SETD5: variants seen among roughly 807,000 people sequenced by gnomAD.
SETD5 encodes SET domain containing 5.
A neutral mutation model predicts 153.3 loss-of-function variants in SETD5; 44 were observed. The ratio of observed to expected loss-of-function variants is 0.29; its 90% CI spans 0.23 to 0.37. SETD5 has a LOEUF of 0.37. Ranked by LOEUF, SETD5 falls within the 10% of genes least tolerant of loss-of-function variation. The pLI is 1.00. For synonymous variants in SETD5, 716 were observed against 645.2 expected (o/e 1.11, Z -1.66); for missense variants, 1,544 against 1,768.0 (o/e 0.87, Z 2.27).
At chr3:9,409,238 A>G (rs757391843) in intron 1 of SETD5, among the ~76,000 whole-genome samples, 8 of 152,260 alleles carry the variant, frequency 5.3e-5, no homozygotes, top group Admixed American at 1.3e-4. Context: ...TTACTTCTTC[A>G]TTTATTGTCC....
intron 1 of SETD5, among the ~76,000 whole-genome samples, chr3:9,412,126 C>T (rs545059293): frequency 6.6e-6 from 1 of 152,014 alleles, no homozygotes; most frequent in East Asian, 1.9e-4. Context: ...ATACATTTGT[C>T]TTTACATGCC....
chr3:9,420,238 GATA>G (rs59123966), intron 1 of SETD5, among the ~76,000 whole-genome samples: 45 of 151,986 alleles, frequency 3.0e-4, no homozygotes, highest in South Asian at 1.5e-3. Context: ...ACAATATTTA[GATA>G]ATAATAATAA....
At chr3:9,405,134 C>T (rs370715324) in intron 1 of SETD5, among the ~76,000 whole-genome samples, 2 of 152,242 alleles carry the variant, frequency 1.3e-5, no homozygotes, top group African/African-American at 4.8e-5. Context: ...ACTTCTGTAT[C>T]TTCTACTTTC....
intron 16 of SETD5, among the ~76,000 whole-genome samples, chr3:9,448,932 G>C (rs2042318114): frequency 6.6e-6 from 1 of 152,196 alleles, no homozygotes; most frequent in Non-Finnish European, 1.5e-5. Context: ...ACTGGGTAGA[G>C]ACGGATATGT....
intron 11 of SETD5, 86 bp downstream of exon 11, chr3:9,443,503 C>T (rs2041554500): frequency 4.2e-6 from 3 of 707,694 alleles, no homozygotes; most frequent in Non-Finnish European, 6.1e-6. Flanking sequence ...GCTCTTGTTT[C>T]TTGCCTTTTC....
intron 17 of SETD5, among the ~76,000 whole-genome samples, chr3:9,464,034 A>G (rs2044279574): frequency 6.6e-6 from 1 of 152,228 alleles, no homozygotes; most frequent in Non-Finnish European, 1.5e-5. Flanking sequence ...AGGCTGAGGC[A>G]GGTGAATCAC....
intron 7 of SETD5, among the ~76,000 whole-genome samples, chr3:9,437,249 C>T (rs2040680189): frequency 1.3e-5 from 2 of 152,002 alleles, no homozygotes; most frequent in Non-Finnish European, 2.9e-5. Context: ...GTGCATCTAC[C>T]CTAGCACTGT....
intron 1 of SETD5, among the ~76,000 whole-genome samples, chr3:9,414,011 C>G (rs1005450673): frequency 6.6e-6 from 1 of 152,084 alleles, no homozygotes; most frequent in Non-Finnish European, 1.5e-5. Flanking sequence ...CTCTTGACCT[C>G]GTGATCTGCC....
chr3:9,404,146 C>T (rs1413192199), intron 1 of SETD5, among the ~76,000 whole-genome samples: 1 of 152,070 alleles, frequency 6.6e-6, no homozygotes, highest in African/African-American at 2.4e-5. Context: ...ACTAAACTAG[C>T]CTTAAAGTTT....
intron 1 of SETD5, among the ~76,000 whole-genome samples, chr3:9,408,617 TC>T (rs150228324): frequency 0.07 from 10,698 of 152,094 alleles, 1,283 homozygotes; most frequent in African/African-American, 0.25. Flanking sequence ...TTAAACAACC[TC>T]CCCCCACCTG....
intron 17 of SETD5, among the ~76,000 whole-genome samples, chr3:9,462,586 CA>C (rs111829236): frequency 0.13 from 10,745 of 81,610 alleles, 448 homozygotes; most frequent in Middle Eastern, 0.23. Flanking sequence ...GAGTCCGTCT[CA>C]AAAAAAAAAA....
chr3:9,443,472 TA>T, intron 11 of SETD5, 55 bp downstream of exon 11: 1 of 947,960 alleles, frequency 1.1e-6, no homozygotes, highest in Non-Finnish European at 1.4e-6. Flanking sequence ...CATATTAAGC[TA>T]TTCACTCTAT....
Position 9,467,039 on chromosome 3 carries a change from A to C in SETD5, c.2724+2367A>C, listed in dbSNP as rs114290955. On this transcript the variant is annotated intron_variant, in intron 18 of 22. Coordinates refer to ENST00000402198, the MANE Select transcript of SETD5 (RefSeq NM_001080517.3). Reference sequence around the variant, plus strand: ...GAGATCCCATCTCTAAAAATAATTTAAAGACCAGCTTAGGCCAGGTACAGT... The same window carrying C: ...GAGATCCCATCTCTAAAAATAATTTCAAGACCAGCTTAGGCCAGGTACAGT... Among the ~76,000 whole-genome samples the C allele has an allele frequency of 5.0e-3, 752 of 151,914 alleles. 13 individuals are homozygous for C. Among genetic ancestry groups the C allele is most frequent in the African/African-American group, 0.017 (724 of 41,418 alleles).
At position 9,435,466 on chromosome 3, in the gene SETD5, T is replaced by C. The variant is rs181779581; in HGVS notation, c.389-262T>C. On this transcript the variant is annotated intron_variant, in intron 6 of 22. Coordinates refer to ENST00000402198, the MANE Select transcript of SETD5 (RefSeq NM_001080517.3). ...AAAATTAGCCAGTCTCAAATTGTTA[T>C]AGATTGAGTCAGCGAAGCTTAGGGA... 1.4e-3 allele frequency among the ~76,000 whole-genome samples: 213 copies of C among 152,314 alleles called. 5 individuals carry two copies. In the East Asian group the frequency reaches 0.025, roughly 18 times the overall value.
chr3:9,469,194 C>T (rs988444068), intron 18 of SETD5, among the ~76,000 whole-genome samples: 1 of 152,144 alleles, frequency 6.6e-6, no homozygotes, highest in Middle Eastern at 3.2e-3. Context: ...CACCATTCTG[C>T]AATGGTTAGG....
At chr3:9,426,360 G>C (rs562703664) in intron 2 of SETD5, among the ~76,000 whole-genome samples, 1 of 148,714 alleles carries the variant, frequency 6.7e-6, no homozygotes, top group East Asian at 2.0e-4. Flanking sequence ...TCAGCCTCTT[G>C]AGTTAGCTGG....
intron 17 of SETD5, among the ~76,000 whole-genome samples, chr3:9,459,730 AAAG>A (rs955117023): frequency 2.0e-5 from 3 of 151,986 alleles, no homozygotes; most frequent in Admixed American, 6.5e-5. Flanking sequence ...AAAAAAAAAA[AAAG>A]AATATTAAAA....
At chr3:9,430,869 C>T (rs1029466732) in intron 3 of SETD5, 2 of 985,256 alleles carry the variant, frequency 2.0e-6, no homozygotes, top group Admixed American at 6.1e-5. Flanking sequence ...ACCAACATAT[C>T]CTAGGATTTC....
Position 9,443,325 on chromosome 3 carries a change from A to T in SETD5, c.1095A>T (p.Ala365=). 1 of 1,551,150 alleles carries T rather than the reference A, an allele frequency of 6.4e-7. No homozygotes were observed. Among genetic ancestry groups the T allele is most frequent in the African/African-American group, 1.4e-5 (1 of 72,966 alleles). Residue 365 remains alanine (A), a synonymous_variant, in exon 11 of 23, where the codon GCA becomes GCT. Coordinates refer to ENST00000402198, the MANE Select transcript of SETD5 (RefSeq NM_001080517.3). ...TPNAEVRHMI[A]DGMIHLCIYA... ...TCACACAGGTGCGACACATGATTGC[A>T]GATGGGATGATTCACCTGTGCATCT... is the stretch of plus-strand genomic sequence containing the variant.
Sources: gnomAD v4.1 joint callset for allele counts (sites outside exome capture counted in the v4.1 genomes callset) on GRCh38, gnomAD v4.1.1 for gene constraint, MANE v1.5 for transcripts, NCBI Gene and HGNC (gene_info 2026-07-23, HGNC 2026-07-21) for gene names.